Variants in GABRA5 observed in about 807,000 individuals in gnomAD.
GABRA5 encodes the protein gamma-aminobutyric acid receptor subunit alpha-5.
A neutral mutation model predicts 47.3 loss-of-function variants in GABRA5; 18 were observed. The observed-to-expected ratio is 0.38, with a 90% confidence interval of 0.26 to 0.56. The LOEUF (loss-of-function observed/expected upper bound fraction) is 0.56. Ranked by LOEUF, GABRA5 falls within the 20% of genes least tolerant of loss-of-function variation. The probability of loss-of-function intolerance (pLI) is 0.71; values close to 1 mark genes in which losing one functional copy is unlikely to be tolerated. For synonymous variants in GABRA5, 237 were observed against 229.3 expected, an observed-to-expected ratio of 1.03 and a Z score of -0.30; for missense variants, 365 against 599.3, an observed-to-expected ratio of 0.61 and a Z score of 4.08.
At position 26,940,104 on chromosome 15, in the gene GABRA5, C is replaced by T. The variant is rs561136227; in HGVS notation, c.877+27C>T. ...TGAGTGTCCCCAAGCCAGGCCTGGA[C>T]ACTGGTGTTTTGTGACTGACCCTAA... is the stretch of plus-strand genomic sequence containing the variant. On this transcript the variant is annotated intron_variant, in intron 9 of 10. Coordinates refer to ENST00000335625, the MANE Select transcript of GABRA5 (RefSeq NM_000810.4). The T allele has an allele frequency of 6.6e-5, 105 of 1,591,374 alleles. No individual in the cohort carries two copies. The African/African-American group carries it at 1.2e-3, about 19-fold the overall frequency.
intron 7 of GABRA5, among the ~76,000 whole-genome samples, chr15:26,931,454 T>A (rs1822731825): frequency 6.6e-6 from 1 of 152,146 alleles, no homozygotes; most frequent in Non-Finnish European, 1.5e-5. Context: ...CATCATGACC[T>A]AATCACCTCC....
At chr15:26,895,276 C>T (rs1023483010) in intron 6 of GABRA5, among the ~76,000 whole-genome samples, 1 of 151,760 alleles carries the variant, frequency 6.6e-6, no homozygotes, top group African/African-American at 2.4e-5. Context: ...TAATATTATT[C>T]CTTCTGAATA....
chr15:26,871,223 CAAAG>C (rs1186560267), intron 3 of GABRA5, among the ~76,000 whole-genome samples: 1 of 152,194 alleles, frequency 6.6e-6, no homozygotes, highest in Admixed American at 6.5e-5. Context: ...ACAAAACAAA[CAAAG>C]AAACAAAATC....
chr15:26,909,374 A>G (rs1321900126), intron 6 of GABRA5, among the ~76,000 whole-genome samples: 2 of 152,188 alleles, frequency 1.3e-5, no homozygotes, highest in Admixed American at 1.3e-4. Flanking sequence ...CCTTTTTGCT[A>G]TAAGGGAAAC....
rs118000401 is a variant in GABRA5 at position 26,944,926 on chromosome 15, C to T, written c.1089+1500C>T. 3.1e-3 allele frequency among the ~76,000 whole-genome samples: 470 copies of T among 152,240 alleles called. 1 individual carries two copies. Among genetic ancestry groups the T allele is most frequent in the Non-Finnish European group, 5.5e-3 (375 of 68,024 alleles). ...AGCCCCCGGGTGAATGGAGAGAGCA[C>T]ACCTGTGGCTGGGTGTTCTTGTTGG... On this transcript the variant is annotated intron_variant, in intron 10 of 10. Transcript: ENST00000335625.
At chr15:26,930,857 CTT>C (rs1380233069) in intron 7 of GABRA5, among the ~76,000 whole-genome samples, 1 of 147,836 alleles carries the variant, frequency 6.8e-6, no homozygotes, top group African/African-American at 2.5e-5. Flanking sequence ...TCTTTTTTTT[CTT>C]TCTCTTCTTT....
At chr15:26,913,858 G>A (rs1239539152) in intron 6 of GABRA5, among the ~76,000 whole-genome samples, 3 of 152,146 alleles carry the variant, frequency 2.0e-5, no homozygotes, top group African/African-American at 7.2e-5. Context: ...TGCCTTTCAG[G>A]GACCTCTGCA....
rs78693112 is a variant in GABRA5, at chr15:26,888,935, C to T, written c.497+5378C>T. 6.0e-4 allele frequency among the ~76,000 whole-genome samples: 92 copies of T among 152,338 alleles called. 2 individuals carry two copies. In the East Asian group the frequency reaches 0.017, roughly 28 times the overall value. ...TAGAAGGCTGGCTCTGCCTGCACCA[C>T]GTGGTTCTGCCTGGCTCAGAGAACC... On this transcript the variant is annotated intron_variant, in intron 6 of 10. Transcript: ENST00000335625.
At chr15:26,930,051 C>A (rs1894061626) in intron 7 of GABRA5, among the ~76,000 whole-genome samples, 1 of 139,536 alleles carries the variant, frequency 7.2e-6, no homozygotes, top group African/African-American at 2.7e-5. Flanking sequence ...TGGAGTTTCA[C>A]TCTTGTCACT....
At chr15:26,886,344 A>G (rs577049451) in intron 6 of GABRA5, among the ~76,000 whole-genome samples, 1 of 152,288 alleles carries the variant, frequency 6.6e-6, no homozygotes, top group African/African-American at 2.4e-5. Flanking sequence ...TAATTCTAGA[A>G]GACAATGGGA....
chr15:26,935,976 A>G (rs1428069293), intron 7 of GABRA5, among the ~76,000 whole-genome samples: 1 of 152,172 alleles, frequency 6.6e-6, no homozygotes, highest in Admixed American at 6.5e-5. Context: ...GGATTATAAT[A>G]ATCCCTACAT....
chr15:26,946,843 C>T (rs183860912), intron 10 of GABRA5, among the ~76,000 whole-genome samples: 9 of 152,072 alleles, frequency 5.9e-5, no homozygotes, highest in Admixed American at 1.3e-4. Flanking sequence ...CTGCTTAATC[C>T]GTAAGAGTTA....
chr15:26,935,318 A>G (rs1157790893), intron 7 of GABRA5, among the ~76,000 whole-genome samples: 4 of 152,234 alleles, frequency 2.6e-5, no homozygotes, highest in African/African-American at 9.6e-5. Flanking sequence ...GTGAATTATG[A>G]TGATGCATTA....
intron 7 of GABRA5, among the ~76,000 whole-genome samples, chr15:26,934,264 AAAAG>A (rs1318969214): frequency 4.6e-5 from 7 of 150,876 alleles, no homozygotes; most frequent in African/African-American, 1.2e-4. Context: ...AAAAAAAAAA[AAAAG>A]AAAGAAAGAA....
intron 6 of GABRA5, among the ~76,000 whole-genome samples, chr15:26,895,969 C>G (rs376250912): frequency 2.6e-5 from 4 of 152,182 alleles, no homozygotes; most frequent in African/African-American, 9.6e-5. Flanking sequence ...CCCCCTGCCT[C>G]CATGCACAGT....
chr15:26,935,065 T>C (rs1894205255), intron 7 of GABRA5, among the ~76,000 whole-genome samples: 2 of 152,132 alleles, frequency 1.3e-5, no homozygotes, highest in African/African-American at 4.8e-5. Flanking sequence ...GCAAAAAGAT[T>C]GAACGCCACA....
chr15:26,919,662 A>G (rs940352759), intron 7 of GABRA5, among the ~76,000 whole-genome samples: 2 of 152,044 alleles, frequency 1.3e-5, no homozygotes, highest in Non-Finnish European at 2.9e-5. Flanking sequence ...ATAATACAGT[A>G]TTCTTTATTT....
intron 6 of GABRA5, among the ~76,000 whole-genome samples, chr15:26,888,596 G>A (rs771581895): frequency 6.6e-6 from 1 of 152,172 alleles, no homozygotes; most frequent in Non-Finnish European, 1.5e-5. Flanking sequence ...CATAGCAGCA[G>A]GTCCATAGTC....
intron 6 of GABRA5, among the ~76,000 whole-genome samples, chr15:26,890,406 C>A (rs894417388): frequency 1.3e-5 from 2 of 148,246 alleles, no homozygotes; most frequent in African/African-American, 5.1e-5. Flanking sequence ...TTACTCATCT[C>A]AAGATTTGTA....
Sources: allele counts gnomAD v4.1 joint callset (sites outside exome capture counted in the v4.1 genomes callset), GRCh38; gene constraint gnomAD v4.1.1; transcripts MANE v1.5; gene names NCBI Gene and HGNC (gene_info 2026-07-23, HGNC 2026-07-21).